Variants in RAD51AP2 observed in about 807,000 individuals in gnomAD.
RAD51AP2 encodes the protein RAD51 associated protein 2, also known as RAD51-associated protein 2.
In RAD51AP2, 67 loss-of-function variants were observed where a neutral mutation model predicts 85.5. That is an observed-to-expected ratio of 0.78 (90% CI 0.64 to 0.96). RAD51AP2 has a LOEUF of 0.96. Among genes scored for constraint, RAD51AP2 ranks in the 40% least tolerant of loss-of-function variants. The pLI is 0.00. For missense variants in RAD51AP2, 1,307 were observed against 1,332.4 expected (o/e 0.98, Z 0.30); for synonymous variants, 474 against 446.5 (o/e 1.06, Z -0.78).
At chr2:17,523,122 A>G (rs1354560304), upstream of RAD51AP2, among the ~76,000 whole-genome samples, 1 of 151,916 alleles carries the variant, frequency 6.6e-6, no homozygotes, top group Non-Finnish European at 1.5e-5. Flanking sequence ...TAAAAAATAG[A>G]ACCTACCTCA....
At chr2:17,513,083 CTT>C (rs1350666831) in intron 2 of RAD51AP2, among the ~76,000 whole-genome samples, 1 of 152,124 alleles carries the variant, frequency 6.6e-6, no homozygotes, top group Non-Finnish European at 1.5e-5. Context: ...CGGATTATAA[CTT>C]TGCCTAGTTC....
the RAD51AP2 span, among the ~76,000 whole-genome samples, chr2:17,529,285 T>C: frequency 1.1e-5 from 1 of 90,848 alleles, no homozygotes; most frequent in Non-Finnish European, 3.3e-5. Context: ...TACTTAAAAT[T>C]TTTTTTCTCT....
At chr2:17,529,004 T>C in the RAD51AP2 span, among the ~76,000 whole-genome samples, 2 of 152,324 alleles carry the variant, frequency 1.3e-5, no homozygotes, top group East Asian at 3.9e-4. Context: ...TTGTAAAAAC[T>C]GTTCCCAGTC....
chr2:17,516,277 A>G lies in RAD51AP2; in HGVS notation c.2139T>C (p.Cys713=), dbSNP rs369006007. The G allele has an allele frequency of 6.2e-7, 1 of 1,610,980 alleles. No individual in the cohort carries two copies. Among genetic ancestry groups the G allele is most frequent in the Admixed American group, 1.7e-5 (1 of 59,548 alleles). The change falls in exon 1 of 3, where the codon TGT becomes TGC. Residue 713 remains cysteine (C), a synonymous_variant. Coordinates refer to ENST00000399080, the MANE Select transcript of RAD51AP2 (RefSeq NM_001099218.3). ...IREITCQNMS[C]PQQVVNVENW... ...TTTCCACATTCACAACTTGTTGAGG[A>G]CAACTCATATTCTGACAAGTAATTT...
chr2:17,529,077 A>G, the RAD51AP2 span, among the ~76,000 whole-genome samples: 1 of 152,126 alleles, frequency 6.6e-6, no homozygotes, highest in East Asian at 1.9e-4. Flanking sequence ...TAATCATGTT[A>G]TATTCATGAA....
chr2:17,515,112 G>A (rs1662611299), intron 1 of RAD51AP2, 57 bp downstream of exon 1: 2 of 1,410,494 alleles, frequency 1.4e-6, no homozygotes, highest in South Asian at 3.0e-5. Context: ...GGCCTACACA[G>A]AAAAAAGCAG....
At position 17,517,215 on chromosome 2, in the gene RAD51AP2, G is replaced by T. The variant is rs1662707708; in HGVS notation, c.1201C>A (p.His401Asn). Reference protein sequence around the residue: ...KSQNWDCNVRHILRRNRGNCW... With the variant: ...KSQNWDCNVRNILRRNRGNCW... ...TTTCCTCTATTTCTTCTCAAAATAT[G>T]TCTAACGTTACAGTCCCAGTTTTGA... Residue 401 changes from histidine to asparagine, a missense_variant, in exon 1 of 3, where the codon CAT becomes AAT. By Grantham distance (68) the His-to-Asn change is moderately conservative. Transcript: ENST00000399080. The T allele has an allele frequency of 6.2e-7, 1 of 1,613,384 alleles. No homozygotes were observed. Among genetic ancestry groups the T allele is most frequent in the African/African-American group, 1.3e-5 (1 of 74,812 alleles).
the RAD51AP2 span, among the ~76,000 whole-genome samples, chr2:17,531,165 G>A: frequency 6.6e-6 from 1 of 152,146 alleles, no homozygotes; most frequent in African/African-American, 2.4e-5. Context: ...TTAGTCAGCT[G>A]ATCATGTGGT....
intron 2 of RAD51AP2, among the ~76,000 whole-genome samples, chr2:17,512,976 A>T (rs1662534907): frequency 6.6e-6 from 1 of 152,220 alleles, no homozygotes; most frequent in South Asian, 2.1e-4. Context: ...GTTTTGAGAC[A>T]TGATGCATGA....
At chr2:17,525,551 A>G in the RAD51AP2 span, among the ~76,000 whole-genome samples, 4 of 152,106 alleles carry the variant, frequency 2.6e-5, no homozygotes, top group Non-Finnish European at 5.9e-5. Flanking sequence ...GGGAAAAAAT[A>G]GGATCAACAT....
At position 17,516,818 on chromosome 2, in the gene RAD51AP2, C is replaced by T. The variant is rs62130402; in HGVS notation, c.1598G>A (p.Cys533Tyr). 0.029 allele frequency: 44,879 copies of T among 1,545,400 alleles called. 764 individuals are homozygous for T. The highest frequency in any genetic ancestry group is 0.043 in the Middle Eastern group (245 of 5,706). Residue 533 changes from cysteine (C) to tyrosine (Y), a missense_variant, in exon 1 of 3, where the codon TGT becomes TAT. This residue lies in a region of RAD51AP2 where 635 missense variants were observed against 643.6 expected (regional missense o/e 0.99). Transcript: ENST00000399080. The part of the protein sequence containing the change: ...NKKDNSILTC[C>Y]NILKCKKQIG... The stretch of plus-strand genomic sequence containing the variant: ...TTGCTTTTTACACTTCAAAATGTTA[C>T]AGCAGGTTAAAATACTATTATCTTT...
At chr2:17,511,744 T>C (rs974123473) in intron 2 of RAD51AP2, among the ~76,000 whole-genome samples, 1 of 152,190 alleles carries the variant, frequency 6.6e-6, no homozygotes, top group Non-Finnish European at 1.5e-5. Context: ...GTATGATTTT[T>C]ACTAACCTGA....
rs769015809 is a variant in RAD51AP2 at position 17,516,681 on chromosome 2, G to A, written c.1735C>T (p.Leu579=). The change falls in exon 1 of 3, where the codon CTA becomes TTA. Residue 579 remains leucine, a synonymous_variant. Transcript: ENST00000399080. ...AAAAAAGCTATGTTAGTTTTCAATA[G>A]AATATCTAAAGGTTCTGAAACACTA... ...QDSVSEPLDI[L]LKTNIAFLLN... 5.1e-6 allele frequency: 8 copies of A among 1,569,396 alleles called. No homozygotes were observed. The Admixed American group carries it at 5.7e-5, about 11-fold the overall frequency.
chr2:17,519,657 G>C (rs1416995089), upstream of RAD51AP2, among the ~76,000 whole-genome samples: 1 of 152,084 alleles, frequency 6.6e-6, no homozygotes, highest in African/African-American at 2.4e-5. Flanking sequence ...AATTCCTCTA[G>C]AGAAATGTTT....
chr2:17,531,748 A>T, the RAD51AP2 span, among the ~76,000 whole-genome samples: 2 of 152,254 alleles, frequency 1.3e-5, no homozygotes. Context: ...TTTAAATAAA[A>T]CTAAAACTGT....
At chr2:17,525,022 GA>G in the RAD51AP2 span, among the ~76,000 whole-genome samples, 4 of 151,750 alleles carry the variant, frequency 2.6e-5, no homozygotes, top group Admixed American at 6.6e-5. Context: ...AGAAAGTGGG[GA>G]AATAGCTCTA....
chr2:17,519,247 T>A (rs1417225321), upstream of RAD51AP2, among the ~76,000 whole-genome samples: 1 of 151,982 alleles, frequency 6.6e-6, no homozygotes, highest in African/African-American at 2.4e-5. Context: ...ACTAACAAAT[T>A]TTTAGACGCT....
upstream of RAD51AP2, chr2:17,518,445 C>A (rs766869414): frequency 2.0e-5 from 31 of 1,588,370 alleles, no homozygotes; most frequent in African/African-American, 2.7e-5. Context: ...CTGTCCGAGT[C>A]CCGGCGGGGC....
Position 17,514,034 on chromosome 2 carries a change from T to C in RAD51AP2, c.3306A>G (p.Glu1102=). 6.4e-7 allele frequency: 1 copy of C among 1,571,858 alleles called. No individual in the cohort carries two copies. Among genetic ancestry groups the C allele is most frequent in the Non-Finnish European group, 8.7e-7 (1 of 1,143,770 alleles). Residue 1102 remains glutamate, a synonymous_variant, in exon 2 of 3, where the codon GAA becomes GAG. Coordinates refer to ENST00000399080, the MANE Select transcript of RAD51AP2 (RefSeq NM_001099218.3). ...PAFLPDECKE[E]FNYLLRGGSH... ...TACCTCCTCTCAATAAATAATTAAA[T>C]TCTTCTTTACATTCATCAGGGAGAA...
Sources: gnomAD v4.1 joint callset for allele counts (sites outside exome capture counted in the v4.1 genomes callset) on GRCh38, gnomAD v4.1.1 for gene constraint, gnomAD v4.1.1 regional missense constraint, MANE v1.5 for transcripts, NCBI Gene and HGNC (gene_info 2026-07-23, HGNC 2026-07-21) for gene names.